ABR: variants seen among roughly 807,000 people sequenced by gnomAD.
The protein encoded by ABR is ABR activator of RhoGEF and GTPase, also known as active breakpoint cluster region-related protein.
Under a neutral mutation model 107.2 loss-of-function variants are expected in ABR, and 35 were observed. That is an observed-to-expected ratio of 0.33 (90% CI 0.25 to 0.43). The LOEUF (loss-of-function observed/expected upper bound fraction) is 0.43. Ranked by LOEUF, ABR falls within the 20% of genes least tolerant of loss-of-function variation. The pLI, the probability that ABR is intolerant of heterozygous loss-of-function variation, is 1.00. For missense variants in ABR, 815 were observed against 1,115.2 expected, an observed-to-expected ratio of 0.73 and a Z score of 3.83; for synonymous variants, 498 against 462.0, an observed-to-expected ratio of 1.08 and a Z score of -1.00.
At chr17:1,185,621 G>T (rs1392114201) in intron 1 of ABR, among the ~76,000 whole-genome samples, 2 of 146,386 alleles carry the variant, frequency 1.4e-5, no homozygotes, top group African/African-American at 5.1e-5. Flanking sequence ...CTCCAGCCTG[G>T]GTGACAGAGT....
At position 1,211,044 on chromosome 17, in the gene ABR, C is replaced by T. The variant is rs146162951; in HGVS notation, c.838+17749G>A. Among the ~76,000 whole-genome samples the T allele has an allele frequency of 7.9e-3, 1,199 of 152,246 alleles. 17 individuals are homozygous for T. The highest frequency in any genetic ancestry group is 9.1e-3 in the Non-Finnish European group (617 of 68,028). ...CCTATAATCCCAGCACTTTGGGAGG[C>T]CAAGGCGGACGGATCATGAGGTCAG... is the stretch of plus-strand genomic sequence containing the variant. On this transcript the variant is annotated intron_variant, in intron 1 of 22. Coordinates refer to the ABR transcript ENST00000574139.
intron 16 of ABR, chr17:1,031,760 C>T (rs1424347787): frequency 8.1e-6 from 10 of 1,235,074 alleles, no homozygotes; most frequent in Non-Finnish European, 9.1e-6. Flanking sequence ...GGACGGGACG[C>T]GGCGCTGGAG....
intron 16 of ABR, among the ~76,000 whole-genome samples, chr17:1,024,838 G>A (rs2376600): frequency 0.36 from 53,499 of 150,184 alleles, 9,989 homozygotes; most frequent in Admixed American, 0.46. Flanking sequence ...AACACATTTA[G>A]GCCTGGCGCA....
chr17:1,221,941 CTT>C (rs1262528332), intron 1 of ABR, among the ~76,000 whole-genome samples: 1 of 152,134 alleles, frequency 6.6e-6, no homozygotes, highest in Non-Finnish European at 1.5e-5. Flanking sequence ...GCTTGGGAAA[CTT>C]TATTACCTGG....
chr17:1,113,398 C>CCT (rs2038827952), intron 2 of ABR, among the ~76,000 whole-genome samples: 2 of 137,798 alleles, frequency 1.5e-5, no homozygotes, highest in Non-Finnish European at 3.0e-5. Flanking sequence ...CCCATTCTTT[C>CCT]GCCTCAGCCT....
chr17:1,097,188 C>T (rs1483117652), intron 3 of ABR, among the ~76,000 whole-genome samples: 3 of 152,206 alleles, frequency 2.0e-5, no homozygotes, highest in East Asian at 1.9e-4. Context: ...GCGCCACTCC[C>T]TCCTTCAGGG....
At chr17:1,018,235 G>A (rs974573681) in intron 16 of ABR, among the ~76,000 whole-genome samples, 1 of 151,446 alleles carries the variant, frequency 6.6e-6, no homozygotes, top group Non-Finnish European at 1.5e-5. Flanking sequence ...GTAGAGACGG[G>A]GTTTCACCGT....
chr17:1,176,396 C>T (rs559637069), intron 1 of ABR, among the ~76,000 whole-genome samples: 16 of 152,348 alleles, frequency 1.1e-4, no homozygotes, highest in African/African-American at 3.8e-4. Context: ...AGGTGGTACT[C>T]GGGATCCTCC....
In ABR at chr17:1,037,657, G is replaced by A. The variant is rs1314490056; in HGVS notation, c.1791+12393C>T. Among the ~76,000 whole-genome samples the A allele has an allele frequency of 2.6e-5, 4 of 152,168 alleles. No individual in the cohort carries two copies. The highest frequency in any genetic ancestry group is 5.9e-5 in the Non-Finnish European group (4 of 68,028). ...TGGAGCCCCCCTGGGCTGCTTGCCTGCTCCTCCTCCCGGGAAGGAGGGGGT... is the reference window on the plus strand; with the variant it reads ...TGGAGCCCCCCTGGGCTGCTTGCCTACTCCTCCTCCCGGGAAGGAGGGGGT... On this transcript the variant is annotated intron_variant, in intron 16 of 22. Coordinates refer to ENST00000302538, the MANE Select transcript of ABR (RefSeq NM_021962.5). This position sits in a 1 kb window ranked among gnomAD's most constrained non-coding sequence, Gnocchi z 4.6.
intron 1 of ABR, among the ~76,000 whole-genome samples, chr17:1,203,282 A>C (rs1598119133): frequency 7.5e-6 from 1 of 133,644 alleles, no homozygotes; most frequent in Non-Finnish European, 1.6e-5. Flanking sequence ...GCTCCCGCGC[A>C]GTCCTCAGGG....
chr17:1,196,711 T>G (rs1011102258), intron 1 of ABR, among the ~76,000 whole-genome samples: 3 of 151,314 alleles, frequency 2.0e-5, no homozygotes, highest in African/African-American at 7.3e-5. Flanking sequence ...TTTTTTTTTT[T>G]TGAGACGGAG....
chr17:1,063,458 T>C (rs1372518508), intron 10 of ABR, among the ~76,000 whole-genome samples: 11 of 149,180 alleles, frequency 7.4e-5, no homozygotes, highest in African/African-American at 2.5e-4. Flanking sequence ...GGGCTATGCA[T>C]GTTCCTCTAG....
intron 5 of ABR, among the ~76,000 whole-genome samples, chr17:1,082,985 G>A (rs548516406): frequency 9.3e-4 from 141 of 152,094 alleles, no homozygotes; most frequent in African/African-American, 3.1e-3. Flanking sequence ...TTAGCCAGGC[G>A]TGGTGGTGTG....
At chr17:1,145,406 A>C (rs936073992) in intron 1 of ABR, among the ~76,000 whole-genome samples, 1 of 152,102 alleles carries the variant, frequency 6.6e-6, no homozygotes, top group African/African-American at 2.4e-5. Flanking sequence ...ACAAGTAATA[A>C]TCCTGGGCTG....
intron 16 of ABR, chr17:1,031,542 AGCCCCGCAGC>A (rs2072757411): frequency 2.0e-5 from 2 of 99,052 alleles, no homozygotes; most frequent in Non-Finnish European, 4.0e-5. Flanking sequence ...CAGCCCCCCG[AGCCCCGCAGC>A]GCCCCCGAGC....
At chr17:1,100,515 G>T in intron 3 of ABR, 122 bp downstream of exon 3, 1 of 899,342 alleles carries the variant, frequency 1.1e-6, no homozygotes, top group Non-Finnish European at 1.7e-6. Flanking sequence ...TGCAGACTCT[G>T]TCCACAGGGA....
chr17:1,226,424 C>A (rs150074221), intron 1 of ABR, among the ~76,000 whole-genome samples: 5 of 151,348 alleles, frequency 3.3e-5, no homozygotes, highest in Non-Finnish European at 7.4e-5. Context: ...TGGCAGTGTG[C>A]CATGTATATA....
At position 1,070,226 on chromosome 17, in the gene ABR, G is replaced by T. The variant is rs2035115470; in HGVS notation, c.895-136C>A. 3 of 1,213,162 alleles carry T rather than the reference G, an allele frequency of 2.5e-6. No homozygotes were observed. The highest frequency in any genetic ancestry group is 3.4e-6 in the Non-Finnish European group (3 of 873,058). The allele number at this position is 1,213,162 out of a possible 1,614,324, so 75.1% of individuals were successfully genotyped here. A position where few individuals can be genotyped will look rare whatever the true frequency, so the allele number is the denominator to read the frequency against. On this transcript the variant is annotated intron_variant, in intron 8 of 22. Coordinates refer to ENST00000302538, the MANE Select transcript of ABR (RefSeq NM_021962.5). The surrounding 1 kb of genome is among the most constrained non-coding windows in gnomAD (Gnocchi z 4.2). ...AGCCTGTCATCCCTTAACCAAAGGT[G>T]GTTCAAGCACTGCCTTTGGAGTCAC... is the stretch of plus-strand genomic sequence containing the variant.
intron 4 of ABR, among the ~76,000 whole-genome samples, chr17:1,089,955 C>T (rs1199285552): frequency 1.3e-5 from 2 of 151,996 alleles, no homozygotes; most frequent in Non-Finnish European, 2.9e-5. Context: ...AGTGAGACTC[C>T]GTCTCAACAA....
Sources: gnomAD v4.1 joint callset for allele counts (sites outside exome capture counted in the v4.1 genomes callset) on GRCh38, gnomAD v4.1.1 for gene constraint, Gnocchi (gnomAD v3.1) non-coding constraint, MANE v1.5 for transcripts, NCBI Gene and HGNC (gene_info 2026-07-23, HGNC 2026-07-21) for gene names.